The following TOX3 variants were observed in gnomAD, a reference collection of about 807,000 sequenced individuals.
TOX3 encodes CAG trinucleotide repeat-containing gene F9 protein.
TOX3 carries 22 observed loss-of-function variants against 64.3 expected under a neutral mutation model. The ratio of observed to expected loss-of-function variants is 0.34; its 90% CI spans 0.24 to 0.49. The LOEUF is 0.49. Ranked by LOEUF, TOX3 falls within the 20% of genes least tolerant of loss-of-function variation. The probability of loss-of-function intolerance (pLI) is 0.99; values close to 1 mark genes in which losing one functional copy is unlikely to be tolerated. For missense variants in TOX3, 661 were observed against 714.4 expected, an observed-to-expected ratio of 0.93 and a Z score of 0.85; for synonymous variants, 291 against 273.6, an observed-to-expected ratio of 1.06 and a Z score of -0.63.
chr16:52,486,246 A>T (rs45556835), intron 1 of TOX3, among the ~76,000 whole-genome samples: 1 of 152,288 alleles, frequency 6.6e-6, no homozygotes, highest in African/African-American at 2.4e-5. Context: ...CACGGATCCC[A>T]AAAAGGAGCC....
chr16:52,540,060 A>G (rs1372852258), intron 1 of TOX3, among the ~76,000 whole-genome samples: 1 of 151,840 alleles, frequency 6.6e-6, no homozygotes, highest in Non-Finnish European at 1.5e-5. Context: ...CAAAAGTAAA[A>G]CTCTAACCAA....
chr16:52,528,627 T>G (rs1236672229), intron 1 of TOX3, among the ~76,000 whole-genome samples: 1 of 152,172 alleles, frequency 6.6e-6, no homozygotes, highest in Non-Finnish European at 1.5e-5. Flanking sequence ...TGAAACCTAT[T>G]AGACCTCTTG....
intron 1 of TOX3, among the ~76,000 whole-genome samples, chr16:52,480,378 C>T (rs1216082097): frequency 1.3e-5 from 2 of 152,184 alleles, no homozygotes; most frequent in Admixed American, 6.5e-5. Flanking sequence ...TGCCAGACTT[C>T]GTAGTTCTTG....
chr16:52,523,381 T>C (rs45590039), intron 1 of TOX3, among the ~76,000 whole-genome samples: 2,576 of 152,242 alleles, frequency 0.017, 36 homozygotes, highest in Non-Finnish European at 0.026. Context: ...GGCTTTCCTC[T>C]GAATGAATCA....
chr16:52,513,480 G>C (rs766989138), intron 1 of TOX3, among the ~76,000 whole-genome samples: 2 of 152,204 alleles, frequency 1.3e-5, no homozygotes, highest in African/African-American at 4.8e-5. Flanking sequence ...AGATGAGATG[G>C]AAATTGAAAA....
intron 1 of TOX3, among the ~76,000 whole-genome samples, chr16:52,498,330 C>T (rs1961903861): frequency 6.7e-6 from 1 of 149,002 alleles, no homozygotes; most frequent in African/African-American, 2.4e-5. Flanking sequence ...AATGGAAATA[C>T]ATCAAACAAA....
chr16:52,444,499 G>GCACACACACACACACA (rs200173557), intron 5 of TOX3, 143 bp from the exon 6 acceptor site: 36 of 380,870 alleles, frequency 9.5e-5, no homozygotes, highest in African/African-American at 6.5e-4. Context: ...GTTAGCGCAT[G>GCACACACACACACACA]CACACACACA....
rs555869522 is a variant in TOX3, at chr16:52,546,947, G to A, written c.-224C>T. 1.1e-5 allele frequency: 11 copies of A among 993,932 alleles called. No homozygotes were observed. Among genetic ancestry groups the A allele is most frequent in the Non-Finnish European group, 1.3e-5 (11 of 837,326 alleles). The allele number at this position is 993,932 out of a possible 1,614,324, so 61.6% of individuals were successfully genotyped here. On this transcript the variant is annotated 5_prime_UTR_variant, in exon 1 of 7. Transcript: ENST00000219746. ...CGCGGGAGAGCGGGAGGCGGCCGGG[G>A]GGACGCGCCCCGCCGGGGCACCGAG... is the stretch of plus-strand genomic sequence containing the variant.
intron 4 of TOX3, 81 bp from the exon 5 acceptor site, chr16:52,446,302 T>C: frequency 7.0e-7 from 1 of 1,432,924 alleles, no homozygotes; most frequent in Non-Finnish European, 9.4e-7. Flanking sequence ...CCATAATTGT[T>C]CTTTGAAGGT....
chr16:52,475,798 T>G (rs1961189599), intron 1 of TOX3, among the ~76,000 whole-genome samples: 1 of 152,214 alleles, frequency 6.6e-6, no homozygotes, highest in Non-Finnish European at 1.5e-5. Flanking sequence ...TGCTAAGGAC[T>G]GCAGAACAAC....
chr16:52,529,957 G>A (rs1044707029), intron 1 of TOX3, among the ~76,000 whole-genome samples: 4 of 152,214 alleles, frequency 2.6e-5, no homozygotes, highest in Non-Finnish European at 4.4e-5. Context: ...ACTGTGAAGT[G>A]GGGTGCCACA....
chr16:52,542,239 C>T (rs1159978381), intron 1 of TOX3, among the ~76,000 whole-genome samples: 1 of 152,144 alleles, frequency 6.6e-6, no homozygotes, highest in African/African-American at 2.4e-5. Context: ...CGCAGCTCTA[C>T]TCCATTCTAT....
chr16:52,440,619 C>T (rs1324841171), intron 6 of TOX3, among the ~76,000 whole-genome samples: 1 of 152,158 alleles, frequency 6.6e-6, no homozygotes, highest in Admixed American at 6.5e-5. Context: ...TTAAAGACAA[C>T]AGAGTACAGG....
chr16:52,475,913 G>T (rs143609625), intron 1 of TOX3, among the ~76,000 whole-genome samples: 1 of 152,096 alleles, frequency 6.6e-6, no homozygotes, highest in Non-Finnish European at 1.5e-5. Flanking sequence ...AACCAGCTTT[G>T]AAGGAACTCC....
At chr16:52,483,469 TG>T (rs1327854726) in intron 1 of TOX3, among the ~76,000 whole-genome samples, 1 of 152,154 alleles carries the variant, frequency 6.6e-6, no homozygotes, top group South Asian at 2.1e-4. Context: ...CGTGTGCCTT[TG>T]TGAAATGAGC....
At chr16:52,505,139 G>A (rs550069789) in intron 1 of TOX3, among the ~76,000 whole-genome samples, 75 of 152,268 alleles carry the variant, frequency 4.9e-4, no homozygotes, top group African/African-American at 1.8e-3. Context: ...CGGCCAAGAA[G>A]AGGGTCTTTT....
chr16:52,501,268 T>G (rs1173731729), intron 1 of TOX3, among the ~76,000 whole-genome samples: 2 of 152,228 alleles, frequency 1.3e-5, no homozygotes, highest in Admixed American at 1.3e-4. Flanking sequence ...AATTGCAACA[T>G]ATGCAGGTTT....
intron 1 of TOX3, among the ~76,000 whole-genome samples, chr16:52,515,515 C>T (rs536426413): frequency 9.3e-4 from 141 of 152,292 alleles, no homozygotes; most frequent in African/African-American, 3.2e-3. Context: ...GGAAGCTGGG[C>T]GGTTTGTGTT....
intron 1 of TOX3, among the ~76,000 whole-genome samples, chr16:52,490,901 T>C (rs1001261702): frequency 5.9e-5 from 9 of 152,144 alleles, no homozygotes; most frequent in African/African-American, 2.2e-4. Flanking sequence ...AATGCCAGGA[T>C]GACAGTTGTA....
Sources: gnomAD v4.1 joint callset for allele counts (sites outside exome capture counted in the v4.1 genomes callset) on GRCh38, gnomAD v4.1.1 for gene constraint, MANE v1.5 for transcripts, NCBI Gene and HGNC (gene_info 2026-07-23, HGNC 2026-07-21) for gene names.